The following ARHGAP6 variants were observed in gnomAD, a reference collection of about 807,000 sequenced individuals.
ARHGAP6 encodes Rho GTPase activating protein 6, also known as rho GTPase-activating protein 6.
In ARHGAP6, 16 loss-of-function variants were observed where a neutral mutation model predicts 55.7. That is an observed-to-expected ratio of 0.29 (90% confidence interval 0.19 to 0.44). ARHGAP6 has a LOEUF of 0.44. Among genes scored for constraint, ARHGAP6 ranks in the 20% least tolerant of loss-of-function variants. ARHGAP6 has a pLI of 1.00. For missense variants in ARHGAP6, 698 were observed against 808.9 expected, an observed-to-expected ratio of 0.86 and a Z score of 1.66; for synonymous variants, 382 against 360.9, an observed-to-expected ratio of 1.06 and a Z score of -0.66.
At chrX:11,342,668 C>G (rs189892212) in intron 1 of ARHGAP6, among the ~76,000 whole-genome samples, 1 of 112,051 alleles carries the variant, frequency 8.9e-6, no homozygotes, top group African/African-American at 3.2e-5. Context: ...TTGAATTCTG[C>G]CACTTTGAGG....
chrX:11,216,789 C>T (rs1295344116), intron 2 of ARHGAP6, among the ~76,000 whole-genome samples: 1 of 111,101 alleles, frequency 9.0e-6, no homozygotes, highest in Non-Finnish European at 1.9e-5. Context: ...CATAGGTATA[C>T]ATGTGTCATG....
intron 1 of ARHGAP6, among the ~76,000 whole-genome samples, chrX:11,502,998 C>A (rs950145813): frequency 7.2e-5 from 8 of 110,821 alleles, no homozygotes; most frequent in Admixed American, 1.9e-4. Flanking sequence ...AGATTGCAAG[C>A]GATTCTCTTG....
chrX:11,415,990 T>C (rs889093548), intron 1 of ARHGAP6, among the ~76,000 whole-genome samples: 1 of 112,182 alleles, frequency 8.9e-6, no homozygotes, highest in Non-Finnish European at 1.9e-5. Context: ...AGCTAACTGA[T>C]ACAAACACAC....
chrX:11,436,037 T>C lies in ARHGAP6; in HGVS notation c.589-181330A>G, dbSNP rs113059828. On this transcript the variant is annotated intron_variant, in intron 1 of 12. Coordinates refer to ENST00000337414, the MANE Select transcript of ARHGAP6 (RefSeq NM_013427.3). ...AGAAGCACAAAATTTTTTCTCACATTAACATGTCAAGAAATGACAAATGTA... is the reference window on the plus strand; with the variant it reads ...AGAAGCACAAAATTTTTTCTCACATCAACATGTCAAGAAATGACAAATGTA... Among the ~76,000 whole-genome samples the C allele has an allele frequency of 6.5e-3, 734 of 112,491 alleles. 6 individuals are homozygous for C. Among genetic ancestry groups the C allele is most frequent in the African/African-American group, 0.022 (689 of 31,016 alleles).
At chrX:11,577,557 A>T (rs1015490977) in intron 1 of ARHGAP6, among the ~76,000 whole-genome samples, 6 of 112,087 alleles carry the variant, frequency 5.4e-5, no homozygotes, top group Admixed American at 2.8e-4. Flanking sequence ...AGAGAGTTGC[A>T]GGTGTTTTTA....
chrX:11,314,307 G>A (rs1047370420), intron 1 of ARHGAP6, among the ~76,000 whole-genome samples: 1 of 111,748 alleles, frequency 8.9e-6, no homozygotes, highest in Non-Finnish European at 1.9e-5. Context: ...TCAGATAATG[G>A]TGTGGGATGG....
chrX:11,288,447 A>G (rs929615666), intron 1 of ARHGAP6, among the ~76,000 whole-genome samples: 5 of 112,194 alleles, frequency 4.5e-5, no homozygotes, highest in African/African-American at 1.6e-4. Flanking sequence ...AAGGCTGTAC[A>G]TTTTTTGAGG....
intron 1 of ARHGAP6, among the ~76,000 whole-genome samples, chrX:11,647,836 C>G (rs1361903649): frequency 8.9e-6 from 1 of 111,917 alleles, no homozygotes; most frequent in Non-Finnish European, 1.9e-5. Flanking sequence ...CAAACTGAAA[C>G]CGAGGGACAT....
At position 11,372,812 on chromosome X, in the gene ARHGAP6, G is replaced by A. The variant is rs182917717; in HGVS notation, c.589-118105C>T. On this transcript the variant is annotated intron_variant, in intron 1 of 12. Coordinates refer to ENST00000337414, the MANE Select transcript of ARHGAP6 (RefSeq NM_013427.3). The stretch of plus-strand genomic sequence containing the variant: ...AAAAAAAAAAGAAAAGAAAAGAAAC[G>A]AAATTATTGTTAACTTAATTGGGAC... Among the ~76,000 whole-genome samples the A allele has an allele frequency of 1.0e-3, 96 of 93,671 alleles. No homozygotes were observed. The East Asian group carries it at 0.024, about 24-fold the overall frequency. The allele number at this position is 93,671 out of a possible 115,157, so 81.3% of individuals were successfully genotyped here. A position where few individuals can be genotyped will look rare whatever the true frequency, so the allele number is the denominator to read the frequency against.
intron 1 of ARHGAP6, among the ~76,000 whole-genome samples, chrX:11,358,895 G>A (rs759821403): frequency 1.8e-5 from 2 of 111,662 alleles, no homozygotes; most frequent in African/African-American, 6.5e-5. Flanking sequence ...AATTGGTTTG[G>A]TATATTTTAT....
chrX:11,269,028 G>A (rs1277695298), intron 1 of ARHGAP6, among the ~76,000 whole-genome samples: 1 of 111,700 alleles, frequency 9.0e-6, no homozygotes, highest in East Asian at 2.8e-4. Flanking sequence ...CTGAATGAAA[G>A]GAAGAAGCAG....
intron 1 of ARHGAP6, among the ~76,000 whole-genome samples, chrX:11,457,687 C>A (rs907476785): frequency 2.7e-5 from 3 of 111,225 alleles, no homozygotes; most frequent in African/African-American, 9.8e-5. Flanking sequence ...TCTACTAGGT[C>A]ACCTGCACTG....
chrX:11,426,966 C>A (rs142579575), intron 1 of ARHGAP6, among the ~76,000 whole-genome samples: 1 of 109,734 alleles, frequency 9.1e-6, no homozygotes, highest in South Asian at 4.0e-4. Context: ...GGGGAAGGTA[C>A]GACAGAAGAG....
intron 1 of ARHGAP6, among the ~76,000 whole-genome samples, chrX:11,546,986 C>A (rs1474513259): frequency 4.5e-5 from 5 of 112,286 alleles, no homozygotes; most frequent in Non-Finnish European, 9.4e-5. Flanking sequence ...TTTAGAAATG[C>A]AAGAATTACA....
chrX:11,655,799 G>A (rs1035184740), intron 1 of ARHGAP6, among the ~76,000 whole-genome samples: 5 of 112,322 alleles, frequency 4.5e-5, no homozygotes. Flanking sequence ...AAGATGTCAC[G>A]CCCCAAAGGC....
At chrX:11,583,779 A>C (rs188100770) in intron 1 of ARHGAP6, among the ~76,000 whole-genome samples, 8 of 111,998 alleles carry the variant, frequency 7.1e-5, no homozygotes, top group Non-Finnish European at 1.5e-4. Flanking sequence ...GAGGAAAAAA[A>C]AACATGATCA....
intron 5 of ARHGAP6, among the ~76,000 whole-genome samples, chrX:11,184,919 C>T (rs1190227338): frequency 8.9e-6 from 1 of 112,019 alleles, no homozygotes; most frequent in Non-Finnish European, 1.9e-5. Flanking sequence ...ATGGTATAGC[C>T]TACTATACAC....
intron 1 of ARHGAP6, among the ~76,000 whole-genome samples, chrX:11,320,732 G>A (rs1245311790): frequency 1.9e-5 from 2 of 106,613 alleles, no homozygotes; most frequent in Admixed American, 1.0e-4. Flanking sequence ...AAAGGGAGAT[G>A]TGTGTTTTGC....
intron 2 of ARHGAP6, among the ~76,000 whole-genome samples, chrX:11,199,462 G>T (rs2046588899): frequency 8.9e-6 from 1 of 111,855 alleles, no homozygotes; most frequent in African/African-American, 3.3e-5. Context: ...GGGGATTATG[G>T]TGCACATTAA....
Sources: gnomAD v4.1 joint callset for allele counts (sites outside exome capture counted in the v4.1 genomes callset) on GRCh38, gnomAD v4.1.1 for gene constraint, MANE v1.5 for transcripts, NCBI Gene and HGNC (gene_info 2026-07-23, HGNC 2026-07-21) for gene names.